The following L3MBTL4 variants were observed in gnomAD, a reference collection of about 807,000 sequenced individuals.
L3MBTL4 encodes L3MBTL histone methyl-lysine binding protein 4, also known as lethal(3)malignant brain tumor-like protein 4.
Under a neutral mutation model 84.5 loss-of-function variants are expected in L3MBTL4, and 70 were observed. The ratio of observed to expected loss-of-function variants is 0.83; its 90% CI spans 0.68 to 1.01. L3MBTL4 has a LOEUF of 1.01. L3MBTL4 is among the 50% of genes least tolerant of loss of function. The pLI is 0.00. For synonymous variants in L3MBTL4, 274 were observed against 259.8 expected (o/e 1.05, Z -0.52); for missense variants, 715 against 754.8 (o/e 0.95, Z 0.62).
intron 10 of L3MBTL4, among the ~76,000 whole-genome samples, chr18:6,235,503 A>T (rs2047181428): frequency 6.6e-6 from 1 of 152,264 alleles, no homozygotes; most frequent in Non-Finnish European, 1.5e-5. Flanking sequence ...AGCCATAAAA[A>T]GGAATGAAGT....
chr18:5,972,118 G>A (rs777610933), intron 16 of L3MBTL4, among the ~76,000 whole-genome samples: 1 of 152,156 alleles, frequency 6.6e-6, no homozygotes, highest in Non-Finnish European at 1.5e-5. Flanking sequence ...CTGAGCTGTG[G>A]ATCCCCTACC....
At chr18:6,271,805 T>C (rs148836724) in intron 4 of L3MBTL4, among the ~76,000 whole-genome samples, 1,842 of 151,126 alleles carry the variant, frequency 0.012, 15 homozygotes, top group South Asian at 0.023. Context: ...TGGGAGAGGG[T>C]TTTCACGGGG....
chr18:6,229,467 G>T (rs2046907428), intron 10 of L3MBTL4, among the ~76,000 whole-genome samples: 1 of 152,044 alleles, frequency 6.6e-6, no homozygotes, highest in African/African-American at 2.4e-5. Flanking sequence ...ATGTATGGAA[G>T]TTTTTAATTT....
intron 1 of L3MBTL4, among the ~76,000 whole-genome samples, chr18:6,318,494 TAAAAAAAAAAAAAA>T (rs71370550): frequency 7.7e-4 from 11 of 14,204 alleles, no homozygotes; most frequent in Non-Finnish European, 1.0e-3. Flanking sequence ...ACAACAATAG[TAAAAAAAAAAAAAA>T]AAAAAAAAAA....
chr18:6,056,304 C>A (rs1400727946), intron 16 of L3MBTL4, among the ~76,000 whole-genome samples: 2 of 152,104 alleles, frequency 1.3e-5, no homozygotes. Flanking sequence ...AAGCAAAATT[C>A]TCAAAGTTTC....
At chr18:6,370,443 A>G (rs748459540) in intron 1 of L3MBTL4, among the ~76,000 whole-genome samples, 7 of 152,218 alleles carry the variant, frequency 4.6e-5, no homozygotes, top group Admixed American at 6.5e-5. Context: ...CAGGTTCTTC[A>G]ATGGGAACCC....
chr18:6,252,378 A>C (rs1410762738), intron 5 of L3MBTL4, among the ~76,000 whole-genome samples: 1 of 152,160 alleles, frequency 6.6e-6, no homozygotes, highest in Non-Finnish European at 1.5e-5. Context: ...CATAATCAAT[A>C]TCAAGCAAGT....
At chr18:6,355,784 A>G (rs190964635) in intron 1 of L3MBTL4, among the ~76,000 whole-genome samples, 1 of 152,210 alleles carries the variant, frequency 6.6e-6, no homozygotes, top group Admixed American at 6.5e-5. Context: ...CTAGGTAAAG[A>G]TAAACTTTAG....
intron 13 of L3MBTL4, among the ~76,000 whole-genome samples, chr18:6,168,808 G>A (rs2043815197): frequency 6.6e-6 from 1 of 151,988 alleles, no homozygotes; most frequent in South Asian, 2.1e-4. Context: ...AATGGCAACA[G>A]AAGCCAAAAT....
chr18:6,032,123 A>G (rs370740355), intron 16 of L3MBTL4: 2,520 of 243,758 alleles, frequency 0.01, 14 homozygotes, highest in Non-Finnish European at 0.015. Context: ...GACTATAGGC[A>G]CCCGCCACCA....
chr18:6,024,203 T>C (rs929458441), intron 16 of L3MBTL4, among the ~76,000 whole-genome samples: 5 of 152,210 alleles, frequency 3.3e-5, no homozygotes, highest in Non-Finnish European at 5.9e-5. Context: ...AGCATTCTTT[T>C]GCAATGTTCA....
chr18:6,249,119 T>A (rs542362499), intron 5 of L3MBTL4, among the ~76,000 whole-genome samples: 120 of 152,330 alleles, frequency 7.9e-4, no homozygotes, highest in African/African-American at 2.9e-3. Flanking sequence ...ATTTAACAAG[T>A]TTTGTGTGAC....
At chr18:6,111,690 T>C (rs1248789795) in intron 14 of L3MBTL4, among the ~76,000 whole-genome samples, 4 of 152,138 alleles carry the variant, frequency 2.6e-5, no homozygotes, top group Non-Finnish European at 5.9e-5. Flanking sequence ...GGAACACATT[T>C]TATTTATTTA....
chr18:6,108,390 A>G (rs2059082183), intron 14 of L3MBTL4, among the ~76,000 whole-genome samples: 1 of 152,186 alleles, frequency 6.6e-6, no homozygotes, highest in Non-Finnish European at 1.5e-5. Context: ...AAACAGTTAC[A>G]ATAGAAATTT....
intron 16 of L3MBTL4, chr18:6,046,823 C>G: frequency 1.3e-6 from 1 of 743,646 alleles, no homozygotes; most frequent in Non-Finnish European, 2.5e-6. Flanking sequence ...AACTAACAAT[C>G]TAATATCACA....
Position 6,196,302 on chromosome 18 carries a change from C to T in L3MBTL4, c.981+16847G>A, listed in dbSNP as rs112460425. ...CCTCCCAAGTAGCTGGGACTACAGG[C>T]GCCCGCCACCACGCCCGTCTAATTT... On this transcript the variant is annotated intron_variant, in intron 12 of 18. Coordinates refer to ENST00000317931, the MANE Select transcript of L3MBTL4 (RefSeq NM_001330559.2). Among the ~76,000 whole-genome samples, 1,230 of 152,012 alleles carry T rather than the reference C, an allele frequency of 8.1e-3. 11 individuals are homozygous for T. The highest frequency in any genetic ancestry group is 0.028 in the African/African-American group (1,143 of 41,444).
intron 1 of L3MBTL4, among the ~76,000 whole-genome samples, chr18:6,346,525 T>C (rs948752980): frequency 3.9e-5 from 6 of 152,082 alleles, no homozygotes; most frequent in African/African-American, 1.4e-4. Flanking sequence ...GATATTAAAT[T>C]GGGCAAAGGT....
intron 3 of L3MBTL4, among the ~76,000 whole-genome samples, chr18:6,311,164 C>T (rs1485356458): frequency 2.6e-5 from 4 of 151,978 alleles, no homozygotes; most frequent in East Asian, 3.9e-4. Context: ...CTCTCTCTCG[C>T]TCTGTGTGTG....
At chr18:5,984,461 T>C (rs375467118) in intron 16 of L3MBTL4, among the ~76,000 whole-genome samples, 48 of 152,332 alleles carry the variant, frequency 3.2e-4, no homozygotes, top group African/African-American at 1.1e-3. Context: ...CATTATGCTA[T>C]TCAAAACTGA....
Sources: gnomAD v4.1 joint callset for allele counts (sites outside exome capture counted in the v4.1 genomes callset) on GRCh38, gnomAD v4.1.1 for gene constraint, MANE v1.5 for transcripts, NCBI Gene and HGNC (gene_info 2026-07-23, HGNC 2026-07-21) for gene names.